The following PNKP variants were observed in gnomAD, a reference collection of about 807,000 sequenced individuals.
PNKP encodes polynucleotide kinase 3'-phosphatase.
PNKP carries 82 observed loss-of-function variants against 66.2 expected under a neutral mutation model. The observed-to-expected ratio is 1.24, with a 90% CI of 1.04 to 1.49. The LOEUF (loss-of-function observed/expected upper bound fraction) is 1.49. Ranked by LOEUF, PNKP falls within the 40% of genes most tolerant of loss-of-function variation. PNKP has a pLI of 0.00. For synonymous variants in PNKP, 412 were observed against 298.9 expected (o/e 1.38, Z -3.90); for missense variants, 907 against 706.8 (o/e 1.28, Z -3.21).
rs768497837 is a variant in PNKP at position 49,865,447 on chromosome 19, GC to G, written c.199-22del. On this transcript the variant is annotated intron_variant, in intron 3 of 16. Coordinates refer to ENST00000322344, the MANE Select transcript of PNKP (RefSeq NM_007254.4). ...CCCAGCTGCAGAAAGAGAGGGAGGA[GC>G]TGGGACTGGCTCCGCCCCCACCGGG... The G allele has an allele frequency of 1.9e-5, 29 of 1,563,032 alleles. 1 individual carries two copies. In the South Asian group the frequency reaches 3.2e-4, roughly 17 times the overall value.
chr19:49,866,237 C>A (rs1257889589), intron 3 of PNKP, 162 bp downstream of exon 3: 1 of 723,772 alleles, frequency 1.4e-6, no homozygotes, highest in Non-Finnish European at 2.5e-6. Flanking sequence ...TGGGTTCAAG[C>A]GATCCGCCCG....
intron 3 of PNKP, 175 bp from the exon 4 acceptor site, chr19:49,865,601 C>CA: frequency 6.3e-6 from 2 of 318,294 alleles, no homozygotes; most frequent in East Asian, 6.2e-5. Flanking sequence ...TTGTCCGAAT[C>CA]TTTTTTTTTT....
chr19:49,861,941 C>T (rs2074771962), intron 13 of PNKP, 60 bp from the exon 14 acceptor site: 8 of 1,578,394 alleles, frequency 5.1e-6, no homozygotes, highest in Admixed American at 3.4e-5. Context: ...AGACCCCGAG[C>T]GGGGACGGGG....
intron 6 of PNKP, 26 bp from the exon 7 acceptor site, chr19:49,864,097 C>A: frequency 6.2e-7 from 1 of 1,611,358 alleles, no homozygotes; most frequent in Non-Finnish European, 8.5e-7. Context: ...TGTCACCAGA[C>A]GCTCTGCTCA....
chr19:49,863,581 C>G (rs953712331), intron 8 of PNKP, 108 bp downstream of exon 8: 2 of 771,004 alleles, frequency 2.6e-6, no homozygotes, highest in Non-Finnish European at 4.5e-6. Flanking sequence ...AAGGAGGGAG[C>G]GAGAGAGGAC....
chr19:49,866,366 A>G lies in PNKP; in HGVS notation c.198+33T>C, dbSNP rs780522660. Reference sequence around the variant, plus strand: ...CAATTCCTCCCCAAATCCCATCCCCAGGCCTTGCTGGCCCTTGCAGAGGCA... The same window carrying G: ...CAATTCCTCCCCAAATCCCATCCCCGGGCCTTGCTGGCCCTTGCAGAGGCA... On this transcript the variant is annotated intron_variant, in intron 3 of 16. Coordinates refer to ENST00000322344, the MANE Select transcript of PNKP (RefSeq NM_007254.4). 6 of 1,601,884 alleles carry G rather than the reference A, an allele frequency of 3.7e-6. No homozygotes were observed. In the Admixed American group the frequency reaches 6.7e-5, roughly 18 times the overall value.
Position 49,867,079 on chromosome 19 carries a change from C to T in PNKP, c.126G>A (p.Thr42=). Residue 42 remains threonine, a synonymous_variant, in exon 2 of 17, where the codon ACG becomes ACA. Coordinates refer to ENST00000322344, the MANE Select transcript of PNKP (RefSeq NM_007254.4). ...CTTGAGTTCTGGAGCACTTCCGGTC[C>T]GTAACCTGGGTCAGGGGTCCCCTGC... The part of the protein sequence containing the change: ...VLGRGPLTQV[T]DRKCSRTQVE... The T allele has an allele frequency of 1.9e-6, 3 of 1,613,930 alleles. No homozygotes were observed. Among genetic ancestry groups the T allele is most frequent in the Non-Finnish European group, 1.7e-6 (2 of 1,179,998 alleles).
At chr19:49,863,056 C>T (rs1457967082) in intron 8 of PNKP, among the ~76,000 whole-genome samples, 1 of 152,192 alleles carries the variant, frequency 6.6e-6, no homozygotes, top group East Asian at 1.9e-4. Context: ...TCCCTCAGGG[C>T]AAAAGCGGGG....
Position 49,865,256 on chromosome 19 carries a change from A to G in PNKP, c.369T>C (p.Pro123=). Residue 123 remains proline (P), a synonymous_variant, in exon 4 of 17, where the codon CCT becomes CCC. Coordinates refer to ENST00000322344, the MANE Select transcript of PNKP (RefSeq NM_007254.4). The part of the protein sequence containing the change: ...ESQPDTPPGT[P]LVSQDEKRDA... ...CTCTCTTCTCATCTTGGGACACCAGAGGGGTGCCAGGCGGAGTATCTGGCT... is the reference window on the plus strand; with the variant it reads ...CTCTCTTCTCATCTTGGGACACCAGGGGGGTGCCAGGCGGAGTATCTGGCT... 1 of 1,614,154 alleles carries G rather than the reference A, an allele frequency of 6.2e-7. No homozygotes were observed. Among genetic ancestry groups the G allele is most frequent in the Non-Finnish European group, 8.5e-7 (1 of 1,180,018 alleles).
chr19:49,866,878 G>A, intron 2 of PNKP, 176 bp downstream of exon 2: 3 of 709,298 alleles, frequency 4.2e-6, no homozygotes, highest in Non-Finnish European at 7.7e-6. Flanking sequence ...CTCCCCCAAA[G>A]GATCTAGCTA....
At chr19:49,864,136 C>G (rs1272959713) in intron 6 of PNKP, 43 bp downstream of exon 6, 2 of 1,612,120 alleles carry the variant, frequency 1.2e-6, no homozygotes, top group Admixed American at 3.3e-5. Flanking sequence ...TGCGGTCGGA[C>G]CGCCACGTGC....
chr19:49,861,776 C>G lies in PNKP; in HGVS notation c.1294G>C (p.Ala432Pro). The change falls in exon 14 of 17, where the codon GCC becomes CCC. Residue 432 changes from alanine to proline, a missense_variant. Transcript: ENST00000322344. ...ACGGCCCCGCGGTCACGCTACCTGG[C>G]GCGGCTCGCGGCGTCTGGGTTTGTG... ...DNTNPDAASR[A>P]RYVQCARAAG... The G allele has an allele frequency of 6.4e-7, 1 of 1,561,480 alleles. No individual in the cohort carries two copies. The highest frequency in any genetic ancestry group is 8.7e-7 in the Non-Finnish European group (1 of 1,155,596).
chr19:49,863,799 C>CA (rs1411256617), intron 7 of PNKP, 39 bp from the exon 8 acceptor site: 2 of 1,527,676 alleles, frequency 1.3e-6, no homozygotes, highest in African/African-American at 2.8e-5. Context: ...AGCTCCCCCT[C>CA]AAGCACCTAC....
At chr19:49,863,618 G>T in intron 8 of PNKP, 71 bp downstream of exon 8, 1 of 1,192,906 alleles carries the variant, frequency 8.4e-7, no homozygotes, top group Non-Finnish European at 1.2e-6. Context: ...CCCAACCGGA[G>T]GCCGGGGAGC....
chr19:49,861,788 C>CGTCTGG lies in PNKP; in HGVS notation c.1276_1281dup (p.Pro426_Asp427dup). ...TCACGCTACCTGGCGCGGCTCGCGG[C>CGTCTGG]GTCTGGGTTTGTGTTGTCGATGGCG... On this transcript the variant is annotated inframe_insertion, in exon 14 of 17. Coordinates refer to ENST00000322344, the MANE Select transcript of PNKP (RefSeq NM_007254.4). 1 of 1,565,882 alleles carries CGTCTGG rather than the reference C, an allele frequency of 6.4e-7. No homozygotes were observed. The highest frequency in any genetic ancestry group is 8.6e-7 in the Non-Finnish European group (1 of 1,159,232).
In PNKP at chr19:49,865,195, T is replaced by G; in HGVS notation, c.430A>C (p.Asn144His). Residue 144 changes from asparagine to histidine, a missense_variant, in exon 4 of 17, where the codon AAC becomes CAC. Coordinates refer to ENST00000322344, the MANE Select transcript of PNKP (RefSeq NM_007254.4). ...TTCTCCAAGTTCTCCCAGCCGGGGT[T>G]TGACTTCCGCATACGCTTCTTCGGC... ...ELPKKRMRKSNPGWENLEKLL... is the reference protein window; with the variant it reads ...ELPKKRMRKSHPGWENLEKLL... The G allele has an allele frequency of 1.2e-6, 2 of 1,614,252 alleles. No individual in the cohort carries two copies. Among genetic ancestry groups the G allele is most frequent in the Non-Finnish European group, 1.7e-6 (2 of 1,180,040 alleles).
At position 49,861,228 on chromosome 19, in the gene PNKP, G is replaced by A. The variant is rs758783311; in HGVS notation, c.*20C>T. 6.7e-7 allele frequency: 1 copy of A among 1,487,006 alleles called. No individual in the cohort carries two copies. Among genetic ancestry groups the A allele is most frequent in the Non-Finnish European group, 9.4e-7 (1 of 1,064,662 alleles). The allele number at this position is 1,487,006 out of a possible 1,614,324, so 92.1% of individuals were successfully genotyped here. On this transcript the variant is annotated 3_prime_UTR_variant, in exon 17 of 17. Transcript: ENST00000322344. ...CTCAAGGAGAAACAGCGTTTATTGT[G>A]GAGGGGAGCTGGGCGGGGCTCAGCC... is the stretch of plus-strand genomic sequence containing the variant.
chr19:49,861,694 AC>A lies in PNKP; in HGVS notation c.1299del (p.Arg433SerfsTer34). The stretch of plus-strand genomic sequence containing the variant: ...CCCGCGGCTCGGGCACACTGGACGT[AC>A]CTGTGGGGGAAGGAGCTGGATGTGC... Reference protein sequence around the residue: ...NTNPDAASRARYVQCARAAGV... With the variant: ...NTNPDAASRAXYVQCARAAGV... On this transcript the variant is annotated frameshift_variant and splice_region_variant, in exon 15 of 17. Coordinates refer to ENST00000322344, the MANE Select transcript of PNKP (RefSeq NM_007254.4). LOFTEE classifies it high-confidence loss of function. 6.5e-7 allele frequency: 1 copy of A among 1,547,268 alleles called. No homozygotes were observed. The highest frequency in any genetic ancestry group is 8.7e-7 in the Non-Finnish European group (1 of 1,146,200).
chr19:49,861,807 G>C lies in PNKP; in HGVS notation c.1263C>G (p.Ile421Met), dbSNP rs758836805. 1.9e-6 allele frequency: 3 copies of C among 1,579,662 alleles called. No individual in the cohort carries two copies. The highest frequency in any genetic ancestry group is 1.8e-5 in the Admixed American group (1 of 54,716). The change falls in exon 14 of 17, where the codon ATC becomes ATG. Residue 421 changes from isoleucine (I) to methionine (M), a missense_variant. Ile to Met is a conservative substitution (Grantham distance 10). Transcript: ENST00000322344. Reference protein sequence around the residue: ...TALKQGKRVAIDNTNPDAASR... With the variant: ...TALKQGKRVAMDNTNPDAASR... ...TCGCGGCGTCTGGGTTTGTGTTGTC[G>C]ATGGCGACCCGTTTCCCTTGCTTCA...
Sources: allele counts gnomAD v4.1 joint callset (sites outside exome capture counted in the v4.1 genomes callset), GRCh38; gene constraint gnomAD v4.1.1; transcripts MANE v1.5; gene names NCBI Gene and HGNC (gene_info 2026-07-23, HGNC 2026-07-21).